PRR16: variants seen among roughly 807,000 people sequenced by gnomAD.
PRR16 encodes proline rich 16, also known as protein Largen.
In PRR16, 6 loss-of-function variants were observed where a neutral mutation model predicts 18.2. The ratio of observed to expected loss-of-function variants is 0.33; its 90% CI spans 0.18 to 0.65. PRR16 has a LOEUF of 0.65. PRR16 is among the 30% of genes least tolerant of loss of function. The pLI, the probability that PRR16 is intolerant of heterozygous loss-of-function variation, is 0.74. For synonymous variants in PRR16, 151 were observed against 147.8 expected, an observed-to-expected ratio of 1.02 and a Z score of -0.16; for missense variants, 412 against 376.6, an observed-to-expected ratio of 1.09 and a Z score of -0.78.
chr5:120,567,566 C>A (rs1752776338), intron 1 of PRR16, among the ~76,000 whole-genome samples: 1 of 152,132 alleles, frequency 6.6e-6, no homozygotes, highest in Non-Finnish European at 1.5e-5. Context: ...TTGTGATCTT[C>A]AGTGTTGGAG....
intron 1 of PRR16, among the ~76,000 whole-genome samples, chr5:120,613,105 T>A (rs1178321435): frequency 6.6e-6 from 1 of 152,192 alleles, no homozygotes; most frequent in Non-Finnish European, 1.5e-5. Context: ...TTGAAAAAAC[T>A]TATAATGCAA....
intron 1 of PRR16, among the ~76,000 whole-genome samples, chr5:120,671,623 A>G (rs1756608325): frequency 6.6e-6 from 1 of 152,318 alleles, no homozygotes; most frequent in Admixed American, 6.5e-5. Context: ...TTTGCATTGT[A>G]TACTAAACAT....
intron 1 of PRR16, among the ~76,000 whole-genome samples, chr5:120,678,869 T>C (rs1268087525): frequency 6.6e-6 from 1 of 152,118 alleles, no homozygotes; most frequent in Non-Finnish European, 1.5e-5. Flanking sequence ...CATTGCAGTT[T>C]AAGATTTATA....
At chr5:120,556,241 T>TTC (rs1554082923) in intron 1 of PRR16, among the ~76,000 whole-genome samples, 1 of 149,754 alleles carries the variant, frequency 6.7e-6, no homozygotes, top group Non-Finnish European at 1.5e-5. Context: ...TTGTTTTTTT[T>TTC]TTTTTTTTTT....
At chr5:120,475,353 T>C (rs914842903) in intron 1 of PRR16, among the ~76,000 whole-genome samples, 5 of 152,180 alleles carry the variant, frequency 3.3e-5, no homozygotes, top group African/African-American at 1.2e-4. Context: ...CTTCTTTAAA[T>C]CACGTCTCTT....
At chr5:120,495,946 GT>G (rs1196496716) in intron 1 of PRR16, among the ~76,000 whole-genome samples, 2 of 150,766 alleles carry the variant, frequency 1.3e-5, no homozygotes, top group East Asian at 1.9e-4. Context: ...ATTAGCTGTA[GT>G]TTTTTTTTGT....
At chr5:120,692,666 A>C in the PRR16 span, among the ~76,000 whole-genome samples, 3 of 152,204 alleles carry the variant, frequency 2.0e-5, no homozygotes, top group African/African-American at 4.8e-5. Context: ...AATAATTTGA[A>C]TATTTTATAG....
intron 1 of PRR16, among the ~76,000 whole-genome samples, chr5:120,594,122 A>C (rs761399038): frequency 6.6e-6 from 1 of 152,160 alleles, no homozygotes; most frequent in Non-Finnish European, 1.5e-5. Flanking sequence ...CACCACACCT[A>C]TTAAACATAG....
At chr5:120,721,382 C>T in the PRR16 span, among the ~76,000 whole-genome samples, 22 of 151,774 alleles carry the variant, frequency 1.4e-4, no homozygotes, top group African/African-American at 4.4e-4. Context: ...TCTAGAATGA[C>T]AGGTTAGGAA....
chr5:120,689,761 T>G (rs1294129243), downstream of PRR16, among the ~76,000 whole-genome samples: 3 of 117,160 alleles, frequency 2.6e-5, no homozygotes, highest in South Asian at 2.6e-4. Context: ...GTGTTTTGGT[T>G]TTTTTTTTTT....
At chr5:120,633,641 A>T (rs1027727109) in intron 1 of PRR16, among the ~76,000 whole-genome samples, 2 of 152,200 alleles carry the variant, frequency 1.3e-5, no homozygotes, top group African/African-American at 4.8e-5. Context: ...ACATTATATA[A>T]TGATAAAAGA....
chr5:120,766,957 G>GTGAT, the PRR16 span, among the ~76,000 whole-genome samples: 1 of 151,830 alleles, frequency 6.6e-6, no homozygotes, highest in Non-Finnish European at 1.5e-5. Flanking sequence ...ACAAATATTA[G>GTGAT]TGATTTTTTA....
At chr5:120,481,337 C>G in intron 1 of PRR16, 1 of 408,282 alleles carries the variant, frequency 2.4e-6, no homozygotes, top group Non-Finnish European at 4.9e-6. Flanking sequence ...CACTGTGTTG[C>G]CCAGTCTGGT....
the PRR16 span, among the ~76,000 whole-genome samples, chr5:120,742,049 C>T: frequency 2.0e-5 from 3 of 151,996 alleles, no homozygotes; most frequent in South Asian, 6.2e-4. Context: ...CTCTTGTTAG[C>T]ATTTGTTTGA....
the PRR16 span, among the ~76,000 whole-genome samples, chr5:120,701,123 G>T: frequency 1.1e-3 from 173 of 152,326 alleles, no homozygotes; most frequent in African/African-American, 4.0e-3. Context: ...GGAAGTTCTT[G>T]TGTGCTGGAG....
At chr5:120,639,266 G>C (rs914522437) in intron 1 of PRR16, among the ~76,000 whole-genome samples, 5 of 151,782 alleles carry the variant, frequency 3.3e-5, no homozygotes, top group Non-Finnish European at 7.4e-5. Flanking sequence ...CCATATAATT[G>C]TTTGAAAATA....
chr5:120,603,570 T>C (rs1036533800), intron 1 of PRR16, among the ~76,000 whole-genome samples: 3 of 152,068 alleles, frequency 2.0e-5, no homozygotes, highest in South Asian at 4.1e-4. Context: ...ATTTCAGATC[T>C]GATTTTTGTC....
At chr5:120,618,948 A>G (rs142270954) in intron 1 of PRR16, among the ~76,000 whole-genome samples, 50 of 150,150 alleles carry the variant, frequency 3.3e-4, no homozygotes, top group Non-Finnish European at 6.0e-4. Flanking sequence ...TCTGTTTGAC[A>G]TGACTTTTAT....
At chr5:120,753,886 T>A in the PRR16 span, among the ~76,000 whole-genome samples, 3 of 126,618 alleles carry the variant, frequency 2.4e-5, no homozygotes, top group African/African-American at 8.9e-5. Context: ...ATTTATATAT[T>A]ATATATAATA....
Sources: gnomAD v4.1 joint callset for allele counts (sites outside exome capture counted in the v4.1 genomes callset) on GRCh38, gnomAD v4.1.1 for gene constraint, MANE v1.5 for transcripts, NCBI Gene and HGNC (gene_info 2026-07-23, HGNC 2026-07-21) for gene names.